The following KCND2 variants were observed in gnomAD, a reference collection of about 807,000 sequenced individuals.
KCND2 encodes potassium voltage-gated channel subfamily D member 2.
Under a neutral mutation model 54.4 loss-of-function variants are expected in KCND2, and 16 were observed. That is an observed-to-expected ratio of 0.29 (90% confidence interval 0.20 to 0.45). The LOEUF is 0.45. KCND2 is among the 20% of genes least tolerant of loss of function. KCND2 has a pLI of 1.00. For missense variants in KCND2, 486 were observed against 824.2 expected, an observed-to-expected ratio of 0.59 and a Z score of 5.02; for synonymous variants, 317 against 310.7, an observed-to-expected ratio of 1.02 and a Z score of -0.21.
At chr7:120,714,369 G>A (rs1792577187) in intron 1 of KCND2, among the ~76,000 whole-genome samples, 1 of 152,138 alleles carries the variant, frequency 6.6e-6, no homozygotes, top group East Asian at 1.9e-4. Flanking sequence ...TAAGTTGGTT[G>A]TATAGAACAC....
chr7:120,705,381 C>T (rs780767513), intron 1 of KCND2, among the ~76,000 whole-genome samples: 4 of 152,126 alleles, frequency 2.6e-5, no homozygotes, highest in Non-Finnish European at 4.4e-5. Context: ...TAGACATTGA[C>T]AGGCAACATG....
intron 1 of KCND2, among the ~76,000 whole-genome samples, chr7:120,694,262 G>A (rs1792307038): frequency 6.6e-6 from 1 of 152,132 alleles, no homozygotes; most frequent in South Asian, 2.1e-4. Context: ...GTGGGGCGGA[G>A]CCACCTCAGC....
At chr7:120,280,926 C>T (rs558203989) in intron 1 of KCND2, among the ~76,000 whole-genome samples, 17 of 152,168 alleles carry the variant, frequency 1.1e-4, no homozygotes, top group African/African-American at 4.1e-4. Flanking sequence ...GTGACTCATT[C>T]CACATTCCTC....
intron 1 of KCND2, among the ~76,000 whole-genome samples, chr7:120,728,282 CTTT>C (rs758218585): frequency 3.7e-4 from 51 of 138,850 alleles, no homozygotes; most frequent in Admixed American, 7.2e-4. Flanking sequence ...CGTTCTTCTT[CTTT>C]TTTTTTTTTT....
chr7:120,587,990 T>C (rs1792621538), intron 1 of KCND2, among the ~76,000 whole-genome samples: 1 of 152,196 alleles, frequency 6.6e-6, no homozygotes, highest in Non-Finnish European at 1.5e-5. Context: ...TTTATATTCA[T>C]GTTCATTTGT....
At chr7:120,284,788 C>T (rs1317757738) in intron 1 of KCND2, among the ~76,000 whole-genome samples, 1 of 152,274 alleles carries the variant, frequency 6.6e-6, no homozygotes, top group Non-Finnish European at 1.5e-5. Context: ...GTGTTCTTTA[C>T]AGCACAATAC....
chr7:120,670,201 T>G (rs2116571770), intron 1 of KCND2, among the ~76,000 whole-genome samples: 1 of 152,226 alleles, frequency 6.6e-6, no homozygotes, highest in East Asian at 1.9e-4. Flanking sequence ...CATTTTGGCT[T>G]AAACATTTCT....
intron 1 of KCND2, among the ~76,000 whole-genome samples, chr7:120,504,606 A>G (rs575553984): frequency 6.6e-6 from 1 of 151,974 alleles, no homozygotes; most frequent in African/African-American, 2.4e-5. Flanking sequence ...ATTTACTGAA[A>G]GTTTCTAGGC....
intron 1 of KCND2, among the ~76,000 whole-genome samples, chr7:120,299,186 C>T (rs985616355): frequency 1.3e-5 from 2 of 152,066 alleles, no homozygotes; most frequent in Non-Finnish European, 2.9e-5. Flanking sequence ...AATGGATTCA[C>T]TGCTTAATAG....
At chr7:120,311,029 A>T (rs1232413270) in intron 1 of KCND2, among the ~76,000 whole-genome samples, 1 of 152,066 alleles carries the variant, frequency 6.6e-6, no homozygotes, top group Non-Finnish European at 1.5e-5. Context: ...ATGTATATAC[A>T]TGTATATGTG....
chr7:120,309,452 C>CATATATATATATATATATATATATATAT (rs61690032), intron 1 of KCND2, among the ~76,000 whole-genome samples: 4 of 68,272 alleles, frequency 5.9e-5, no homozygotes, highest in East Asian at 1.7e-3. Flanking sequence ...TAATAGAAAA[C>CATATATATATATATATATATATATATAT]ATATATATAT....
In KCND2 at chr7:120,450,421, A is replaced by G. The variant is rs1419435556; in HGVS notation, c.1115+174674A>G. Reference sequence around the variant, plus strand: ...AGACTCCGTCTAAAAAAAGAAAAAAATTACTGGTTTGTATTACATGGGGTG... The same window carrying G: ...AGACTCCGTCTAAAAAAAGAAAAAAGTTACTGGTTTGTATTACATGGGGTG... On this transcript the variant is annotated intron_variant, in intron 1 of 5. Transcript: ENST00000331113. Among the ~76,000 whole-genome samples, 3 of 152,126 alleles carry G rather than the reference A, an allele frequency of 2.0e-5. No individual in the cohort carries two copies. The East Asian group carries it at 5.8e-4, about 29-fold the overall frequency.
At chr7:120,563,473 G>A (rs1445117824) in intron 1 of KCND2, among the ~76,000 whole-genome samples, 1 of 152,038 alleles carries the variant, frequency 6.6e-6, no homozygotes, top group Non-Finnish European at 1.5e-5. Flanking sequence ...ATTTTCTTTA[G>A]TCTTAGAACA....
rs1179843403 is a variant in KCND2, at chr7:120,686,149, T to C, written c.1116-46754T>C. On this transcript the variant is annotated intron_variant, in intron 1 of 5. Coordinates refer to ENST00000331113, the MANE Select transcript of KCND2 (RefSeq NM_012281.3). Reference sequence around the variant, plus strand: ...TAAGAACCCGGATTCTAAATTTAGATTAAATGGTAAATGGATATTTAGATT... The same window carrying C: ...TAAGAACCCGGATTCTAAATTTAGACTAAATGGTAAATGGATATTTAGATT... Among the ~76,000 whole-genome samples, 6 of 152,320 alleles carry C rather than the reference T, an allele frequency of 3.9e-5. No homozygotes were observed. The East Asian group carries it at 1.2e-3, about 29-fold the overall frequency.
chr7:120,352,046 G>A (rs977365895), intron 1 of KCND2, among the ~76,000 whole-genome samples: 18 of 150,860 alleles, frequency 1.2e-4, no homozygotes, highest in African/African-American at 4.1e-4. Flanking sequence ...TCTTGACCTC[G>A]TGCTCCTCAG....
intron 1 of KCND2, among the ~76,000 whole-genome samples, chr7:120,412,403 T>C (rs1324240169): frequency 6.6e-6 from 1 of 152,068 alleles, no homozygotes; most frequent in Non-Finnish European, 1.5e-5. Flanking sequence ...TGCAGAGAGC[T>C]TAAGAATATC....
intron 1 of KCND2, among the ~76,000 whole-genome samples, chr7:120,528,463 G>A (rs1378653852): frequency 6.6e-6 from 1 of 152,082 alleles, no homozygotes; most frequent in East Asian, 1.9e-4. Context: ...GGTACACTTT[G>A]CATAACATAT....
At chr7:120,736,196 A>T (rs1403307513) in intron 2 of KCND2, among the ~76,000 whole-genome samples, 1 of 152,106 alleles carries the variant, frequency 6.6e-6, no homozygotes, top group Non-Finnish European at 1.5e-5. Context: ...TTAATTTTAG[A>T]AAATTCCTAT....
intron 1 of KCND2, among the ~76,000 whole-genome samples, chr7:120,357,072 TGTAATACATTC>T (rs1442475928): frequency 6.6e-6 from 1 of 152,164 alleles, no homozygotes; most frequent in Non-Finnish European, 1.5e-5. Flanking sequence ...TCAGATCTCT[TGTAATACATTC>T]ACCCTTTTTC....
Sources: gnomAD v4.1 joint callset for allele counts (sites outside exome capture counted in the v4.1 genomes callset) on GRCh38, gnomAD v4.1.1 for gene constraint, MANE v1.5 for transcripts, NCBI Gene and HGNC (gene_info 2026-07-23, HGNC 2026-07-21) for gene names.